The following ARSG variants were observed in gnomAD, a reference collection of about 807,000 sequenced individuals.
ARSG encodes arylsulfatase G, also known as ASG.
Under a neutral mutation model 50.5 loss-of-function variants are expected in ARSG, and 37 were observed. The observed-to-expected ratio is 0.73, with a 90% CI of 0.56 to 0.96. The LOEUF (loss-of-function observed/expected upper bound fraction) is 0.96, where lower values mean the gene tolerates loss of function less well. ARSG is among the 50% of genes least tolerant of loss of function. The pLI is 0.00. For synonymous variants in ARSG, 225 were observed against 254.6 expected, an observed-to-expected ratio of 0.88 and a Z score of 1.11; for missense variants, 629 against 675.3, an observed-to-expected ratio of 0.93 and a Z score of 0.76.
chr17:68,426,794 CA>C (rs1311838891), downstream of ARSG, among the ~76,000 whole-genome samples: 1 of 152,210 alleles, frequency 6.6e-6, no homozygotes, highest in Non-Finnish European at 1.5e-5. Flanking sequence ...CTCAGCCTCC[CA>C]AAGTGCTGGG....
At chr17:68,315,110 C>T (rs2077020389) in intron 2 of ARSG, among the ~76,000 whole-genome samples, 1 of 152,192 alleles carries the variant, frequency 6.6e-6, no homozygotes, top group South Asian at 2.1e-4. Flanking sequence ...GTAACACGCC[C>T]AGAGTTGGTG....
chr17:68,395,005 G>A (rs1337465319), intron 9 of ARSG, 68 bp from the exon 10 acceptor site: 4 of 1,597,480 alleles, frequency 2.5e-6, no homozygotes, highest in Non-Finnish European at 1.7e-6. Context: ...TCAGGTGGGG[G>A]TTGACACGGC....
intron 1 of ARSG, among the ~76,000 whole-genome samples, chr17:68,277,267 A>C (rs1000592033): frequency 2.6e-5 from 4 of 151,396 alleles, no homozygotes; most frequent in Non-Finnish European, 5.9e-5. Flanking sequence ...GAGTGCTGGG[A>C]TTACAGGCAC....
upstream of ARSG, among the ~76,000 whole-genome samples, chr17:68,290,640 C>T (rs1367054108): frequency 6.6e-6 from 1 of 152,250 alleles, no homozygotes; most frequent in Non-Finnish European, 1.5e-5. Context: ...CAGTGCCCGG[C>T]CTGCGTGCGC....
the ARSG span, among the ~76,000 whole-genome samples, chr17:68,435,994 C>T: frequency 6.6e-6 from 1 of 152,228 alleles, no homozygotes; most frequent in Non-Finnish European, 1.5e-5. Context: ...GCGCCCTGCA[C>T]GCATCTTTAG....
chr17:68,377,586 C>G (rs1200087754), intron 8 of ARSG, among the ~76,000 whole-genome samples: 2 of 152,136 alleles, frequency 1.3e-5, no homozygotes, highest in Non-Finnish European at 1.5e-5. Context: ...AGGAGGCTCC[C>G]AGCCTTGCAC....
intron 1 of ARSG, among the ~76,000 whole-genome samples, chr17:68,295,088 T>C (rs2076159247): frequency 6.6e-6 from 1 of 151,688 alleles, no homozygotes; most frequent in Non-Finnish European, 1.5e-5. Context: ...AACTCTTGGC[T>C]GCGACTCTTT....
chr17:68,394,559 A>G (rs1193957167), intron 9 of ARSG, among the ~76,000 whole-genome samples: 1 of 152,162 alleles, frequency 6.6e-6, no homozygotes, highest in African/African-American at 2.4e-5. Flanking sequence ...ACTTCAGCCC[A>G]GGAGTTCAAG....
intron 1 of ARSG, among the ~76,000 whole-genome samples, chr17:68,293,936 C>G (rs929989956): frequency 1.3e-5 from 2 of 152,186 alleles, no homozygotes; most frequent in Non-Finnish European, 2.9e-5. Flanking sequence ...CCTAGTGAGA[C>G]CAAGCGTGAA....
At chr17:68,269,004 G>A in intron 1 of ARSG, 2 of 1,564,498 alleles carry the variant, frequency 1.3e-6, no homozygotes, top group Non-Finnish European at 1.7e-6. Context: ...AAGTGGAGTA[G>A]AGGGGTTAGC....
intron 11 of ARSG, among the ~76,000 whole-genome samples, chr17:68,406,023 C>G (rs896874539): frequency 6.6e-6 from 1 of 152,164 alleles, no homozygotes; most frequent in Non-Finnish European, 1.5e-5. Context: ...TATTTGTAGT[C>G]TTTCATCCCT....
intron 11 of ARSG, among the ~76,000 whole-genome samples, chr17:68,418,461 T>G (rs1410210729): frequency 6.6e-6 from 1 of 152,168 alleles, no homozygotes; most frequent in African/African-American, 2.4e-5. Context: ...ACTATTAATC[T>G]CTACTGATCA....
intron 1 of ARSG, among the ~76,000 whole-genome samples, chr17:68,284,905 C>A (rs1053751049): frequency 6.6e-6 from 1 of 152,186 alleles, no homozygotes; most frequent in African/African-American, 2.4e-5. Flanking sequence ...AATCTGAGGT[C>A]TATTTCTCTT....
chr17:68,369,118 C>T (rs2079696828), intron 7 of ARSG, among the ~76,000 whole-genome samples: 5 of 152,248 alleles, frequency 3.3e-5, no homozygotes, highest in Admixed American at 3.3e-4. Flanking sequence ...ATTCTACTTG[C>T]TGCCACTCCC....
At position 68,271,645 on chromosome 17, in the gene ARSG, G is replaced by A; in HGVS notation, c.-552+12219G>A. 1 of 1,610,616 alleles carries A rather than the reference G, an allele frequency of 6.2e-7. No individual in the cohort carries two copies. The highest frequency in any genetic ancestry group is 8.5e-7 in the Non-Finnish European group (1 of 1,177,304). ...TCTCCAGCCAATGCGCTCCTTCAGA[G>A]CCATGATTGCTTGAATAGGCAGGAG... On this transcript the variant is annotated intron_variant, in intron 1 of 11. Coordinates refer to the ARSG transcript ENST00000448504. The surrounding 1 kb of genome is among the most constrained non-coding windows in gnomAD (Gnocchi z 5.3).
chr17:68,394,032 T>G (rs2081121284), intron 9 of ARSG, among the ~76,000 whole-genome samples: 1 of 152,118 alleles, frequency 6.6e-6, no homozygotes, highest in Admixed American at 6.6e-5. Context: ...ATTGTTCACA[T>G]GGCCATTGTT....
the ARSG span, among the ~76,000 whole-genome samples, chr17:68,434,317 C>CCA: frequency 8.5e-5 from 13 of 152,140 alleles, no homozygotes; most frequent in Admixed American, 8.5e-4. Context: ...TGCCGGCCGC[C>CCA]CACACACACA....
chr17:68,295,101 A>C (rs1358679676), intron 1 of ARSG, among the ~76,000 whole-genome samples: 1 of 148,338 alleles, frequency 6.7e-6, no homozygotes, highest in Non-Finnish European at 1.5e-5. Context: ...GACTCTTTCA[A>C]CCTGTGAGTC....
Position 68,399,739 on chromosome 17 carries a change from G to T in ARSG, c.1213-1621G>T, listed in dbSNP as rs1251153317. 1.3e-5 allele frequency among the ~76,000 whole-genome samples: 2 copies of T among 152,176 alleles called. No individual in the cohort carries two copies. Among genetic ancestry groups the T allele is most frequent in the African/African-American group, 4.8e-5 (2 of 41,450 alleles). On this transcript the variant is annotated intron_variant, in intron 10 of 11. Coordinates refer to ENST00000621439, the MANE Select transcript of ARSG (RefSeq NM_001267727.2). This position sits in a 1 kb window ranked among gnomAD's most constrained non-coding sequence, Gnocchi z 4.6. ...CAGCCCACCCTCATGGAATTTCTGT[G>T]ACTGAGACGCAAGTACTGTGACTGA... is the stretch of plus-strand genomic sequence containing the variant.
Sources: gnomAD v4.1 joint callset for allele counts (sites outside exome capture counted in the v4.1 genomes callset) on GRCh38, gnomAD v4.1.1 for gene constraint, Gnocchi (gnomAD v3.1) non-coding constraint, MANE v1.5 for transcripts, NCBI Gene and HGNC (gene_info 2026-07-23, HGNC 2026-07-21) for gene names.